Variants in TRIM68 observed in about 807,000 individuals in gnomAD.
TRIM68 encodes the protein tripartite motif containing 68, also known as E3 ubiquitin-protein ligase TRIM68.
A neutral mutation model predicts 41.9 loss-of-function variants in TRIM68; 36 were observed. That is an observed-to-expected ratio of 0.86 (90% CI 0.66 to 1.14). The LOEUF is 1.14. TRIM68 is among the 50% of genes most tolerant of loss of function. TRIM68 has a pLI of 0.00. For synonymous variants in TRIM68, 225 were observed against 224.6 expected (o/e 1.00, Z -0.02); for missense variants, 632 against 605.1 (o/e 1.04, Z -0.47).
Position 4,600,440 on chromosome 11 carries a change from G to A in TRIM68, c.1294C>T (p.His432Tyr). ...RVGIFVDYEA[H>Y]DISFYNVTDC... Reference sequence around the variant, plus strand: ...GTCACATTGTAGAAAGAAATGTCATGGGCCTCATAATCCACGAAGATTCCC... The same window carrying A: ...GTCACATTGTAGAAAGAAATGTCATAGGCCTCATAATCCACGAAGATTCCC... The change falls in exon 7 of 7, where the codon CAT becomes TAT. Residue 432 changes from histidine to tyrosine, a missense_variant. By Grantham distance (83) the His-to-Tyr change is moderately conservative. Transcript: ENST00000300747. 6.2e-7 allele frequency: 1 copy of A among 1,613,972 alleles called. No individual in the cohort carries two copies.
At chr11:4,606,732 A>G (rs1326526255) in intron 1 of TRIM68, among the ~76,000 whole-genome samples, 1 of 152,194 alleles carries the variant, frequency 6.6e-6, no homozygotes, top group Admixed American at 6.5e-5. Flanking sequence ...CATTTTACAG[A>G]TGTTTGGCTT....
At chr11:4,602,064 C>A in intron 4 of TRIM68, 88 bp downstream of exon 4, 2 of 1,569,598 alleles carry the variant, frequency 1.3e-6, no homozygotes, top group Non-Finnish European at 1.7e-6. Context: ...GCTGGCAGTC[C>A]CTACTGAAGG....
rs776521652 is a variant in TRIM68 at position 4,602,372 on chromosome 11, A to G, written c.563T>C (p.Phe188Ser). The G allele has an allele frequency of 3.7e-6, 6 of 1,613,850 alleles. No individual in the cohort carries two copies. The highest frequency in any genetic ancestry group is 1.3e-5 in the African/African-American group (1 of 74,852). ...ETRKQSIVWE[F>S]EKYQRLLEKK... is the part of the protein sequence containing the mutation. Reference sequence around the variant, plus strand: ...CTCTAGTAATCGCTGGTATTTTTCAAACTCCCATACAATACTCTGTTTTCG... The same window carrying G: ...CTCTAGTAATCGCTGGTATTTTTCAGACTCCCATACAATACTCTGTTTTCG... The change falls in exon 4 of 7, where the codon TTT becomes TCT. Residue 188 changes from phenylalanine (F) to serine (S), a missense_variant. By Grantham distance (155) the Phe-to-Ser change is radical. Transcript: ENST00000300747.
At chr11:4,601,885 C>G (rs1846494847) in intron 4 of TRIM68, 199 bp from the exon 5 acceptor site, 5 of 772,950 alleles carry the variant, frequency 6.5e-6, no homozygotes, top group Admixed American at 2.4e-5. Context: ...ATTTCAGGCT[C>G]CATCTCAAGA....
Position 4,605,414 on chromosome 11 carries a change from A to T in TRIM68, c.91T>A (p.Cys31Ser). 1 of 1,614,242 alleles carries T rather than the reference A, an allele frequency of 6.2e-7. No homozygotes were observed. Among genetic ancestry groups the T allele is most frequent in the South Asian group, 1.1e-5 (1 of 91,086 alleles). ...CAGCTGTGGCAGAAGCTGTGGCCAC[A>T]GTCAATGCTCATGGGCTCCCTCAGG... The part of the protein sequence containing the change: ...TFLREPMSID[C>S]GHSFCHSCLS... The change falls in exon 2 of 7, where the codon TGT (cysteine) becomes AGT (serine). Residue 31 changes from cysteine to serine, a missense_variant. Coordinates refer to ENST00000300747, the MANE Select transcript of TRIM68 (RefSeq NM_018073.8).
chr11:4,605,547 G>A lies in TRIM68; in HGVS notation c.-43C>T, dbSNP rs1212964266. ...TCCTCAGAACATGAATGAAACCAGG[G>A]AGAAGTAGTAAAGGCTGAGAAGAAG... On this transcript the variant is annotated 5_prime_UTR_variant, in exon 2 of 7. Coordinates refer to ENST00000300747, the MANE Select transcript of TRIM68 (RefSeq NM_018073.8). 6 of 1,533,788 alleles carry A rather than the reference G, an allele frequency of 3.9e-6. No individual in the cohort carries two copies. The highest frequency in any genetic ancestry group is 4.4e-6 in the Non-Finnish European group (5 of 1,134,322).
rs1190694062 is a variant in TRIM68 at position 4,600,331 on chromosome 11, A to G, written c.1403T>C (p.Ile468Thr). Residue 468 changes from isoleucine (I) to threonine (T), a missense_variant, in exon 7 of 7, where the codon ATT (isoleucine) becomes ACT (threonine). Coordinates refer to ENST00000300747, the MANE Select transcript of TRIM68 (RefSeq NM_018073.8). ...CAGAGGAGCAGTGTTGTTGGTTCCA[A>G]TGCTGTAGCAAGGACTAAAATAGGG... The part of the protein sequence containing the change: ...LLPYFSPCYS[I>T]GTNNTAPLAI... The G allele has an allele frequency of 1.9e-6, 3 of 1,610,728 alleles. No individual in the cohort carries two copies. The highest frequency in any genetic ancestry group is 2.5e-6 in the Non-Finnish European group (3 of 1,178,444).
In TRIM68 at chr11:4,601,674, C is replaced by A; in HGVS notation, c.796G>T (p.Val266Leu). 1 of 1,614,014 alleles carries A rather than the reference C, an allele frequency of 6.2e-7. No individual in the cohort carries two copies. The highest frequency in any genetic ancestry group is 8.5e-7 in the Non-Finnish European group (1 of 1,179,988). Residue 266 changes from valine to leucine, a missense_variant, in exon 5 of 7, where the codon GTG becomes TTG. Val to Leu is a conservative substitution (Grantham distance 32, BLOSUM62 1). Coordinates refer to ENST00000300747, the MANE Select transcript of TRIM68 (RefSeq NM_018073.8). ...AGGGTGAGAACATACCTGTTTAACA[C>A]TTCCTGAATATCCTGGAAGGAGAAA... is the stretch of plus-strand genomic sequence containing the variant. ...VRWMLQDIQEVLNRSKSWSLQ... is the reference protein window; with the variant it reads ...VRWMLQDIQELLNRSKSWSLQ...
chr11:4,599,047 A>C lies in TRIM68; in HGVS notation c.*1229T>G, dbSNP rs1427689656. The C allele has an allele frequency of 6.6e-6, 1 of 152,204 alleles. No homozygotes were observed. The highest frequency in any genetic ancestry group is 1.5e-5 in the Non-Finnish European group (1 of 68,034). 9.4% of individuals were successfully genotyped at this position (152,204 alleles called of 1,614,324 possible). A position where few individuals can be genotyped will look rare whatever the true frequency, so the allele number is the denominator to read the frequency against. On this transcript the variant is annotated 3_prime_UTR_variant, in exon 7 of 7. Transcript: ENST00000300747. ...CCATTTTCCCAATGAGGACACATAA[A>C]ACCTCCCAAACATGTGAGAAGTTTC...
At chr11:4,601,387 G>GA in intron 5 of TRIM68, 1 of 594,654 alleles carries the variant, frequency 1.7e-6, no homozygotes, top group East Asian at 2.8e-5. Context: ...TGTCGGACAT[G>GA]AAGGAGTCAT....
In TRIM68 at chr11:4,599,486, G is replaced by C. The variant is rs545089093; in HGVS notation, c.*790C>G. On this transcript the variant is annotated 3_prime_UTR_variant, in exon 7 of 7. Coordinates refer to ENST00000300747, the MANE Select transcript of TRIM68 (RefSeq NM_018073.8). The stretch of plus-strand genomic sequence containing the variant: ...CACTCCAGCCTGGGCAACAGAGTGA[G>C]ACTCCGTGTCAAAAAAAAAGAAATA... The C allele has an allele frequency of 6.6e-6, 1 of 152,282 alleles. No individual in the cohort carries two copies. The highest frequency in any genetic ancestry group is 6.5e-5 in the Admixed American group (1 of 15,296). The allele number at this position is 152,282 out of a possible 1,614,324, so 9.4% of individuals were successfully genotyped here.
In TRIM68 at chr11:4,605,832, C is replaced by T. The variant is rs780746133; in HGVS notation, c.-57-271G>A. ...TCACTTGGTCAACTCTGATTTTCCT[C>T]TGGGTTTGCTCTACTTGACCATTAC... On this transcript the variant is annotated intron_variant, in intron 1 of 6. Transcript: ENST00000300747. Among the ~76,000 whole-genome samples, 81 of 152,156 alleles carry T rather than the reference C, an allele frequency of 5.3e-4. 1 individual carries two copies. The highest frequency in any genetic ancestry group is 9.4e-4 in the Non-Finnish European group (64 of 68,026).
chr11:4,601,005 A>C (rs777719028), intron 6 of TRIM68, 22 bp downstream of exon 6: 3 of 1,610,314 alleles, frequency 1.9e-6, no homozygotes, highest in Admixed American at 1.7e-5. Context: ...TGTCCACTAC[A>C]GTCTCCCCCA....
At position 4,600,563 on chromosome 11, in the gene TRIM68, A is replaced by G. The variant is rs1846469151; in HGVS notation, c.1171T>C (p.Tyr391His). Residue 391 changes from tyrosine to histidine, a missense_variant, in exon 7 of 7, where the codon TAT (tyrosine) becomes CAT (histidine). Coordinates refer to ENST00000300747, the MANE Select transcript of TRIM68 (RefSeq NM_018073.8). ...RKEVVYLSPH[Y>H]GFWVIRLRKG... ...CTCAGCCTTATCACCCAGAATCCAT[A>G]GTGGGGGGATAAGTAGACCACCTCC... The G allele has an allele frequency of 2.5e-5, 41 of 1,613,954 alleles. No individual in the cohort carries two copies. Among genetic ancestry groups the G allele is most frequent in the Non-Finnish European group, 3.5e-5 (41 of 1,179,984 alleles).
rs367940806 is a variant in TRIM68, at chr11:4,601,065, C to T, written c.869G>A (p.Arg290His). Residue 290 changes from arginine to histidine, a missense_variant, in exon 6 of 7, where the codon CGT (arginine) becomes CAT (histidine). Coordinates refer to ENST00000300747, the MANE Select transcript of TRIM68 (RefSeq NM_018073.8). ...CAGGATCTCTCTTAGCCCCAGCACA[C>T]GGCAATCTGTCTTCAACTCCAGGGA... Reference protein sequence around the residue: ...PISLELKTDCRVLGLREILKT... With the variant: ...PISLELKTDCHVLGLREILKT... 23 of 1,614,078 alleles carry T rather than the reference C, an allele frequency of 1.4e-5. No individual in the cohort carries two copies. Among genetic ancestry groups the T allele is most frequent in the Admixed American group, 6.7e-5 (4 of 60,008 alleles).
At chr11:4,602,485 C>T in intron 3 of TRIM68, 73 bp from the exon 4 acceptor site, 1 of 1,562,588 alleles carries the variant, frequency 6.4e-7, no homozygotes, top group Non-Finnish European at 8.7e-7. Flanking sequence ...CATATGCATA[C>T]ACACATACTC....
In TRIM68 at chr11:4,601,416, T is replaced by C. The variant is rs150938012; in HGVS notation, c.806+248A>G. The C allele has an allele frequency of 3.4e-3, 1,994 of 593,554 alleles. 41 individuals carry two copies. The highest frequency in any genetic ancestry group is 0.033 in the African/African-American group (1,782 of 53,900). 36.8% of individuals were successfully genotyped at this position (593,554 alleles called of 1,614,324 possible). On this transcript the variant is annotated intron_variant, in intron 5 of 6. Transcript: ENST00000300747. ...GAGTCATGGGCAGTCTTTTATCCTC[T>C]TTGAGCAATCTACTTGAAACCACAT...
intron 3 of TRIM68, 41 bp downstream of exon 3, chr11:4,603,204 G>C (rs763846809): frequency 1.9e-6 from 3 of 1,591,476 alleles, no homozygotes; most frequent in Non-Finnish European, 2.6e-6. Flanking sequence ...GGACCACACA[G>C]GACGACTGAC....
chr11:4,601,506 A>C (rs2133198045), intron 5 of TRIM68, 158 bp downstream of exon 5: 1 of 699,502 alleles, frequency 1.4e-6, no homozygotes, highest in East Asian at 2.5e-5. Context: ...AGATCAACAA[A>C]GATTCCTTAG....
Sources: gnomAD v4.1 joint callset for allele counts (sites outside exome capture counted in the v4.1 genomes callset) on GRCh38, gnomAD v4.1.1 for gene constraint, MANE v1.5 for transcripts, NCBI Gene and HGNC (gene_info 2026-07-23, HGNC 2026-07-21) for gene names.